Variants in ADIPOR2 observed in about 807,000 individuals in gnomAD.
ADIPOR2 encodes adiponectin receptor 2, also known as adiponectin receptor protein 2.
A neutral mutation model predicts 40.9 loss-of-function variants in ADIPOR2; 18 were observed. The ratio of observed to expected loss-of-function variants is 0.44; its 90% CI spans 0.30 to 0.65. The LOEUF (loss-of-function observed/expected upper bound fraction) is 0.65, where lower values mean the gene tolerates loss of function less well. Among genes scored for constraint, ADIPOR2 ranks in the 30% least tolerant of loss-of-function variants. ADIPOR2 has a pLI of 0.09. For missense variants in ADIPOR2, 283 were observed against 479.2 expected (o/e 0.59, Z 3.82); for synonymous variants, 165 against 166.4 (o/e 0.99, Z 0.06).
intron 1 of ADIPOR2, among the ~76,000 whole-genome samples, chr12:1,710,649 G>C (rs1198054696): frequency 6.6e-6 from 1 of 152,036 alleles, no homozygotes; most frequent in Non-Finnish European, 1.5e-5. Context: ...CCTGGAACCA[G>C]CTTCCTCTTT....
chr12:1,701,036 G>GA (rs145041361), intron 1 of ADIPOR2, among the ~76,000 whole-genome samples: 1,526 of 150,138 alleles, frequency 0.01, 13 homozygotes, highest in South Asian at 0.024. Context: ...TTTTTTTGAG[G>GA]AAAAAAAATC....
chr12:1,700,515 G>A (rs930714072), intron 1 of ADIPOR2, among the ~76,000 whole-genome samples: 3 of 152,090 alleles, frequency 2.0e-5, no homozygotes, highest in Non-Finnish European at 4.4e-5. Flanking sequence ...ATCTGGAAGT[G>A]TAATAAAATA....
chr12:1,735,391 C>T (rs1376316218), intron 1 of ADIPOR2, among the ~76,000 whole-genome samples: 1 of 152,150 alleles, frequency 6.6e-6, no homozygotes, highest in Non-Finnish European at 1.5e-5. Flanking sequence ...ATTTGGCTCT[C>T]TGTTTGTCTG....
At chr12:1,784,961 C>A (rs996931819) in intron 7 of ADIPOR2, among the ~76,000 whole-genome samples, 4 of 152,186 alleles carry the variant, frequency 2.6e-5, no homozygotes, top group East Asian at 1.9e-4. Flanking sequence ...AGCAATCTTT[C>A]TAGCTTCAAA....
chr12:1,700,889 T>A (rs1296654626), intron 1 of ADIPOR2, among the ~76,000 whole-genome samples: 2 of 151,988 alleles, frequency 1.3e-5, no homozygotes, highest in Non-Finnish European at 2.9e-5. Flanking sequence ...TGCAGATGTA[T>A]GTTTTATTTG....
intron 1 of ADIPOR2, among the ~76,000 whole-genome samples, chr12:1,749,940 A>G (rs969329035): frequency 6.7e-6 from 1 of 149,506 alleles, no homozygotes; most frequent in Admixed American, 6.7e-5. Context: ...GGACTCAAGC[A>G]GTTCTCTCAC....
intron 1 of ADIPOR2, among the ~76,000 whole-genome samples, chr12:1,702,391 G>A (rs2094652206): frequency 6.6e-6 from 1 of 152,106 alleles, no homozygotes; most frequent in South Asian, 2.1e-4. Flanking sequence ...TGTCAAATTT[G>A]CTGTCACTTT....
At chr12:1,770,769 A>G (rs1171718235) in intron 2 of ADIPOR2, among the ~76,000 whole-genome samples, 1 of 152,232 alleles carries the variant, frequency 6.6e-6, no homozygotes, top group Non-Finnish European at 1.5e-5. Context: ...AAAGAGCTGT[A>G]ATCAGATATT....
At chr12:1,752,991 C>T (rs1209226768) in intron 1 of ADIPOR2, among the ~76,000 whole-genome samples, 2 of 152,120 alleles carry the variant, frequency 1.3e-5, no homozygotes, top group Non-Finnish European at 2.9e-5. Flanking sequence ...CTACATACTT[C>T]GAAAGCCCTT....
intron 2 of ADIPOR2, among the ~76,000 whole-genome samples, chr12:1,759,103 G>A (rs1010148779): frequency 2.0e-5 from 3 of 152,162 alleles, no homozygotes; most frequent in African/African-American, 7.2e-5. Flanking sequence ...TGACCTAGAG[G>A]TTAGATTCAA....
intron 2 of ADIPOR2, among the ~76,000 whole-genome samples, chr12:1,769,761 C>T (rs12301209): frequency 0.012 from 1,872 of 152,180 alleles, 48 homozygotes; most frequent in African/African-American, 0.043. Flanking sequence ...AGGCTGGTCT[C>T]GACCTCCTGA....
rs147737039 is a variant in ADIPOR2, at chr12:1,737,151, C to T, written c.-86-17107C>T. Among the ~76,000 whole-genome samples the T allele has an allele frequency of 2.0e-5, 3 of 152,284 alleles. No individual in the cohort carries two copies. In the East Asian group the frequency reaches 5.8e-4, roughly 29 times the overall value. On this transcript the variant is annotated intron_variant, in intron 1 of 7. Transcript: ENST00000357103. ...TATGAAGAATAAATGAGATAATGGG[C>T]ACCTGACAGCATATATTTATGTTAG... is the stretch of plus-strand genomic sequence containing the variant.
intron 4 of ADIPOR2, among the ~76,000 whole-genome samples, chr12:1,779,445 A>G (rs973239837): frequency 6.6e-6 from 1 of 152,248 alleles, no homozygotes; most frequent in Non-Finnish European, 1.5e-5. Context: ...TTGATTCTAC[A>G]TGCATGAAAT....
intron 2 of ADIPOR2, among the ~76,000 whole-genome samples, chr12:1,765,719 GTCT>G (rs1179484779): frequency 6.6e-6 from 1 of 152,050 alleles, no homozygotes; most frequent in Non-Finnish European, 1.5e-5. Context: ...TCTTAGTGCA[GTCT>G]TCTTTTTTTT....
intron 2 of ADIPOR2, chr12:1,757,987 G>C: frequency 1.9e-6 from 2 of 1,045,040 alleles, no homozygotes; most frequent in South Asian, 1.3e-5. Context: ...GCCCACTTCA[G>C]ATGCTTCTTG....
intron 1 of ADIPOR2, among the ~76,000 whole-genome samples, chr12:1,716,073 TCA>T (rs1014720318): frequency 9.2e-5 from 14 of 152,166 alleles, no homozygotes; most frequent in African/African-American, 3.4e-4. Flanking sequence ...GCTGTAACAC[TCA>T]CCACGAAGTT....
intron 1 of ADIPOR2, among the ~76,000 whole-genome samples, chr12:1,743,571 A>T (rs1381249497): frequency 6.6e-6 from 1 of 151,930 alleles, no homozygotes; most frequent in Admixed American, 6.6e-5. Flanking sequence ...CTCTGGATGG[A>T]GGCTGAGGCG....
intron 2 of ADIPOR2, among the ~76,000 whole-genome samples, chr12:1,768,674 T>A (rs1862433286): frequency 6.6e-6 from 1 of 152,226 alleles, no homozygotes; most frequent in Non-Finnish European, 1.5e-5. Flanking sequence ...TCTTTATCAC[T>A]ATGGTTCTCT....
Position 1,783,525 on chromosome 12 carries a change from A to C in ADIPOR2, c.839-355A>C, listed in dbSNP as rs1025410567. ...GTGATTCTCCTGCCTCAGCCTCCCG[A>C]GTAGCTGGGATTACAGGAGTGCGCT... On this transcript the variant is annotated intron_variant, in intron 6 of 7. Transcript: ENST00000357103. Among the ~76,000 whole-genome samples the C allele has an allele frequency of 6.0e-5, 9 of 151,036 alleles. No individual in the cohort carries two copies. The East Asian group carries it at 1.8e-3, about 30-fold the overall frequency.
Sources: allele counts gnomAD v4.1 joint callset (sites outside exome capture counted in the v4.1 genomes callset), GRCh38; gene constraint gnomAD v4.1.1; transcripts MANE v1.5; gene names NCBI Gene and HGNC (gene_info 2026-07-23, HGNC 2026-07-21).